Variants in TENM2 observed in about 807,000 individuals in gnomAD.
TENM2 encodes teneurin transmembrane protein 2.
A neutral mutation model predicts 245.2 loss-of-function variants in TENM2; 52 were observed. The observed-to-expected ratio is 0.21, with a 90% CI of 0.17 to 0.27. TENM2 has a LOEUF of 0.27. TENM2 is among the 10% of genes least tolerant of loss of function. TENM2 has a pLI of 1.00. For missense variants in TENM2, 3,046 were observed against 3,666.8 expected, an observed-to-expected ratio of 0.83 and a Z score of 4.37; for synonymous variants, 1,363 against 1,438.9, an observed-to-expected ratio of 0.95 and a Z score of 1.19.
chr5:168,177,656 G>A (rs956920592), intron 13 of TENM2, among the ~76,000 whole-genome samples: 4 of 152,188 alleles, frequency 2.6e-5, no homozygotes, highest in South Asian at 2.1e-4. Context: ...GGTCAATATA[G>A]CAAGACCTTG....
intron 9 of TENM2, among the ~76,000 whole-genome samples, chr5:168,116,281 C>T (rs1182477897): frequency 1.3e-5 from 2 of 152,064 alleles, no homozygotes; most frequent in African/African-American, 2.4e-5. Context: ...TCATTCTTCT[C>T]CTCTGGTAAA....
At chr5:167,387,050 G>A (rs955957049) in intron 2 of TENM2, among the ~76,000 whole-genome samples, 4 of 152,038 alleles carry the variant, frequency 2.6e-5, no homozygotes, top group Admixed American at 2.0e-4. Flanking sequence ...GAAGAATCAT[G>A]GTGATATTTT....
At chr5:167,300,014 C>A (rs1394043525) in intron 1 of TENM2, among the ~76,000 whole-genome samples, 1 of 152,138 alleles carries the variant, frequency 6.6e-6, no homozygotes. Context: ...AGCTGCTGCA[C>A]GCAGACATGA....
At chr5:167,550,262 C>T (rs1025211464) in intron 2 of TENM2, among the ~76,000 whole-genome samples, 4 of 152,254 alleles carry the variant, frequency 2.6e-5, no homozygotes, top group African/African-American at 7.2e-5. Flanking sequence ...GGCAAATGTA[C>T]GTTCTGCTGG....
At chr5:167,015,195 C>A in the TENM2 span, among the ~76,000 whole-genome samples, 1 of 152,146 alleles carries the variant, frequency 6.6e-6, no homozygotes, top group South Asian at 2.1e-4. Context: ...TTTTGAAAAT[C>A]TGAATATTTT....
intron 2 of TENM2, chr5:167,653,348 G>C (rs548405869): frequency 1.3e-5 from 2 of 151,932 alleles, no homozygotes; most frequent in Non-Finnish European, 2.9e-5. Context: ...TTGAAGTCCC[G>C]GGCTTAAGAC....
intron 13 of TENM2, among the ~76,000 whole-genome samples, chr5:168,189,875 T>TA (rs1246142988): frequency 6.6e-6 from 1 of 152,206 alleles, no homozygotes; most frequent in Non-Finnish European, 1.5e-5. Context: ...CCCAAAGTGC[T>TA]AGGATTACAG....
At chr5:168,159,406 G>T (rs1472222539) in intron 12 of TENM2, among the ~76,000 whole-genome samples, 1 of 152,150 alleles carries the variant, frequency 6.6e-6, no homozygotes, top group Non-Finnish European at 1.5e-5. Flanking sequence ...GACTTCTTGG[G>T]TGCCCCAGTA....
rs1209744580 is a variant in TENM2, at chr5:168,203,838, T to G, written c.3574+6T>G. The G allele has an allele frequency of 1.3e-6, 2 of 1,598,144 alleles. No individual in the cohort carries two copies. The highest frequency in any genetic ancestry group is 1.7e-6 in the Non-Finnish European group (2 of 1,168,332). ...CATCCTCAATGTTAAAAGTGGTACGTGAACACATCTTCTTTCCCAAATACA... is the reference window on the plus strand; with the variant it reads ...CATCCTCAATGTTAAAAGTGGTACGGGAACACATCTTCTTTCCCAAATACA... On this transcript the variant is annotated splice_donor_region_variant and intron_variant, in intron 18 of 28. Transcript: ENST00000518659.
the TENM2 span, among the ~76,000 whole-genome samples, chr5:167,157,915 T>C: frequency 6.8e-6 from 1 of 147,052 alleles, no homozygotes; most frequent in African/African-American, 2.7e-5. Context: ...TTATTTATAA[T>C]GTACAATGAG....
At chr5:167,130,164 T>G in the TENM2 span, among the ~76,000 whole-genome samples, 1 of 152,198 alleles carries the variant, frequency 6.6e-6, no homozygotes, top group Non-Finnish European at 1.5e-5. Flanking sequence ...AACTAATAAT[T>G]TAGTTATTTG....
At chr5:167,588,255 A>G (rs1347820371) in intron 2 of TENM2, among the ~76,000 whole-genome samples, 1 of 152,198 alleles carries the variant, frequency 6.6e-6, no homozygotes, top group Non-Finnish European at 1.5e-5. Flanking sequence ...AAATATCTTG[A>G]TTGTCCACCT....
chr5:168,091,000 G>A (rs1449541411), intron 8 of TENM2, among the ~76,000 whole-genome samples: 1 of 151,984 alleles, frequency 6.6e-6, no homozygotes, highest in Non-Finnish European at 1.5e-5. Context: ...TAAGAGTTTG[G>A]GTCAGACTGC....
At chr5:168,122,545 A>G (rs2152345345) in intron 10 of TENM2, among the ~76,000 whole-genome samples, 1 of 152,252 alleles carries the variant, frequency 6.6e-6, no homozygotes, top group African/African-American at 2.4e-5. Context: ...CACCACCCTA[A>G]ATGGAGCAAA....
chr5:168,263,610 G>A (rs961148304), downstream of TENM2: 2 of 152,662 alleles, frequency 1.3e-5, no homozygotes, highest in African/African-American at 2.4e-5. Flanking sequence ...AGCGCAGAGT[G>A]TAAAATTTAA....
chr5:167,518,321 C>T lies in TENM2; in HGVS notation c.502+142848C>T, dbSNP rs78294223. On this transcript the variant is annotated intron_variant, in intron 2 of 28. Transcript: ENST00000518659. ...AACCTGGATTTCCCTCTATTTCATC[C>T]CCAAATCAAAACTTACCTCTCATTT... Among the ~76,000 whole-genome samples the T allele has an allele frequency of 4.8e-3, 730 of 152,170 alleles. 7 individuals are homozygous for T. Among genetic ancestry groups the T allele is most frequent in the African/African-American group, 0.016 (680 of 41,534 alleles).
chr5:167,272,441 G>A, the TENM2 span, among the ~76,000 whole-genome samples: 86 of 152,144 alleles, frequency 5.7e-4, no homozygotes, highest in Non-Finnish European at 1.0e-3. Context: ...TCAGAAGGAA[G>A]ACAGGTTTTG....
intron 19 of TENM2, 58 bp from the exon 22 acceptor site, chr5:168,211,673 TATC>T: frequency 9.2e-7 from 1 of 1,081,154 alleles, no homozygotes; most frequent in Non-Finnish European, 1.3e-6. Flanking sequence ...ATGTTTGCTT[TATC>T]ATCAATTCTT....
intron 7 of TENM2, chr5:168,088,275 C>T (rs546215190): frequency 6.0e-4 from 92 of 152,308 alleles, no homozygotes; most frequent in African/African-American, 2.0e-3. Flanking sequence ...AATTTGTAGA[C>T]ATGGGTCTTT....
Sources: allele counts gnomAD v4.1 joint callset (sites outside exome capture counted in the v4.1 genomes callset), GRCh38; gene constraint gnomAD v4.1.1; transcripts MANE v1.5; gene names NCBI Gene and HGNC (gene_info 2026-07-23, HGNC 2026-07-21).